Variants in IQCK observed in about 807,000 individuals in gnomAD.
IQCK encodes IQ domain-containing protein K.
IQCK carries 29 observed loss-of-function variants against 28.1 expected under a neutral mutation model. The ratio of observed to expected loss-of-function variants is 1.03; its 90% CI spans 0.77 to 1.41. IQCK has a LOEUF of 1.41. IQCK is among the 40% of genes most tolerant of loss of function. The pLI is 0.00. For synonymous variants in IQCK, 113 were observed against 115.1 expected (o/e 0.98, Z 0.12); for missense variants, 359 against 314.7 (o/e 1.14, Z -1.07).
At chr16:19,832,891 C>T (rs184443578) in intron 9 of IQCK, among the ~76,000 whole-genome samples, 10 of 152,226 alleles carry the variant, frequency 6.6e-5, no homozygotes, top group African/African-American at 2.4e-4. Flanking sequence ...AGAACTCACT[C>T]ACTATCATAA....
At chr16:19,821,479 C>T (rs536307322) in intron 7 of IQCK, among the ~76,000 whole-genome samples, 1 of 152,268 alleles carries the variant, frequency 6.6e-6, no homozygotes. Context: ...GCGGGTGGAT[C>T]ACCTGAGGTC....
At chr16:19,800,851 G>T (rs2055749351) in intron 7 of IQCK, among the ~76,000 whole-genome samples, 1 of 113,128 alleles carries the variant, frequency 8.8e-6, no homozygotes, top group Non-Finnish European at 1.6e-5. Context: ...TATTTACAAA[G>T]AACATATATG....
At chr16:19,729,257 G>A (rs1418008624) in intron 1 of IQCK, among the ~76,000 whole-genome samples, 9 of 152,050 alleles carry the variant, frequency 5.9e-5, no homozygotes, top group Non-Finnish European at 1.2e-4. Flanking sequence ...ACAGGTGCCC[G>A]GCGCCATGCC....
chr16:19,747,079 A>G (rs771403277), intron 4 of IQCK, among the ~76,000 whole-genome samples: 5 of 152,204 alleles, frequency 3.3e-5, no homozygotes, highest in Non-Finnish European at 5.9e-5. Context: ...GGAGTTCAAG[A>G]CCAGCTTGGG....
chr16:19,843,845 A>C (rs144001124), intron 9 of IQCK, among the ~76,000 whole-genome samples: 68 of 152,152 alleles, frequency 4.5e-4, no homozygotes, highest in Middle Eastern at 3.4e-3. Context: ...TCACCTCCTT[A>C]AAGGTCCTAT....
intron 7 of IQCK, among the ~76,000 whole-genome samples, chr16:19,818,054 G>A (rs1451406688): frequency 1.4e-5 from 2 of 147,542 alleles, no homozygotes; most frequent in Non-Finnish European, 2.9e-5. Context: ...CGATAAACAC[G>A]AGCCTGTGGG....
intron 6 of IQCK, among the ~76,000 whole-genome samples, chr16:19,767,236 A>G (rs1443656689): frequency 6.6e-6 from 1 of 152,182 alleles, no homozygotes; most frequent in Non-Finnish European, 1.5e-5. Flanking sequence ...TTTGCCATCT[A>G]TAGGCGGTTT....
At chr16:19,747,729 G>T (rs2054931495) in intron 4 of IQCK, among the ~76,000 whole-genome samples, 1 of 152,152 alleles carries the variant, frequency 6.6e-6, no homozygotes, top group Non-Finnish European at 1.5e-5. Flanking sequence ...TTATGAGTAA[G>T]AACATGCGAT....
intron 9 of IQCK, among the ~76,000 whole-genome samples, chr16:19,832,479 A>G (rs1187056128): frequency 1.3e-5 from 2 of 152,132 alleles, no homozygotes; most frequent in African/African-American, 4.8e-5. Context: ...TTTAGTAGTT[A>G]CGGAAATACA....
intron 6 of IQCK, among the ~76,000 whole-genome samples, chr16:19,765,486 C>T (rs879293477): frequency 5.9e-5 from 9 of 151,822 alleles, no homozygotes; most frequent in African/African-American, 1.2e-4. Context: ...TGCAGTGAGC[C>T]GAGATCGCAC....
chr16:19,751,661 G>T (rs2054988559), intron 4 of IQCK, among the ~76,000 whole-genome samples: 1 of 151,944 alleles, frequency 6.6e-6, no homozygotes, highest in Non-Finnish European at 1.5e-5. Context: ...TCAAGCCTCT[G>T]CCAGTAGCTT....
chr16:19,814,429 T>C (rs1032949404), intron 7 of IQCK, among the ~76,000 whole-genome samples: 2 of 151,836 alleles, frequency 1.3e-5, no homozygotes, highest in Admixed American at 6.6e-5. Flanking sequence ...AAATGGAATG[T>C]GAACTAATAA....
intron 4 of IQCK, among the ~76,000 whole-genome samples, chr16:19,755,843 C>G (rs543079059): frequency 1.4e-4 from 22 of 152,280 alleles, no homozygotes; most frequent in African/African-American, 5.1e-4. Flanking sequence ...CTTTGGTCAG[C>G]AAAATGGATG....
At chr16:19,750,530 C>T (rs962352460) in intron 4 of IQCK, among the ~76,000 whole-genome samples, 1 of 151,756 alleles carries the variant, frequency 6.6e-6, no homozygotes, top group East Asian at 1.9e-4. Context: ...GGCATGATCT[C>T]GGTTCGCTGC....
rs753415676 is a variant in IQCK at position 19,856,506 on chromosome 16, C to T, written c.822C>T (p.Asp274=). Residue 274 remains aspartate, a synonymous_variant, in exon 10 of 10, where the codon GAC becomes GAT. Coordinates refer to the IQCK transcript ENST00000320394. ...TTGCAGTGAAATGCAAAATGGAGGA[C>T]GATGCAGTACCTGCAGCCAAGATGA... 10 of 1,613,624 alleles carry T rather than the reference C, an allele frequency of 6.2e-6. No individual in the cohort carries two copies. The East Asian group carries it at 6.7e-5, about 11-fold the overall frequency.
intron 7 of IQCK, among the ~76,000 whole-genome samples, chr16:19,798,498 A>T (rs1278739386): frequency 9.9e-6 from 1 of 100,610 alleles, no homozygotes; most frequent in Non-Finnish European, 1.6e-5. Context: ...GTATGAAAAT[A>T]TGCAGACTTT....
At position 19,784,346 on chromosome 16, in the gene IQCK, G is replaced by A. The variant is rs867398902; in HGVS notation, c.606-4492G>A. 9.2e-5 allele frequency among the ~76,000 whole-genome samples: 14 copies of A among 152,286 alleles called. No individual in the cohort carries two copies. The South Asian group carries it at 2.7e-3, about 29-fold the overall frequency. ...TCTCTGGGCCACTGTTTCCTGGGCA[G>A]TTTGCATTCTCAGCTGGAAATGCTC... On this transcript the variant is annotated intron_variant, in intron 6 of 7. Transcript: ENST00000564186.
At chr16:19,757,503 T>C (rs1410327662) in intron 4 of IQCK, among the ~76,000 whole-genome samples, 3 of 152,174 alleles carry the variant, frequency 2.0e-5, no homozygotes, top group Non-Finnish European at 4.4e-5. Context: ...CAAAACCCCA[T>C]ACCTACTAAA....
intron 4 of IQCK, among the ~76,000 whole-genome samples, chr16:19,748,429 C>T (rs1259776011): frequency 6.6e-6 from 1 of 152,164 alleles, no homozygotes; most frequent in Non-Finnish European, 1.5e-5. Context: ...TATTTAGCAT[C>T]TCTGTGCCCC....
Sources: allele counts gnomAD v4.1 joint callset (sites outside exome capture counted in the v4.1 genomes callset), GRCh38; gene constraint gnomAD v4.1.1; transcripts MANE v1.5; gene names NCBI Gene and HGNC (gene_info 2026-07-23, HGNC 2026-07-21).